ANO4: variants seen among roughly 807,000 people sequenced by gnomAD.
The protein encoded by ANO4 is anoctamin-4.
Under a neutral mutation model 141.9 loss-of-function variants are expected in ANO4, and 69 were observed. The observed-to-expected ratio is 0.49, with a 90% confidence interval of 0.40 to 0.59. The LOEUF is 0.59. ANO4 is among the 20% of genes least tolerant of loss of function. ANO4 has a pLI of 0.00. For missense variants in ANO4, 894 were observed against 1,162.2 expected, an observed-to-expected ratio of 0.77 and a Z score of 3.36; for synonymous variants, 350 against 394.3, an observed-to-expected ratio of 0.89 and a Z score of 1.33.
intron 26 of ANO4, among the ~76,000 whole-genome samples, chr12:101,123,181 A>C: frequency 6.6e-6 from 1 of 152,212 alleles, no homozygotes; most frequent in East Asian, 1.9e-4. Context: ...CCAGGGAACC[A>C]AAAGAAGAAA....
chr12:100,970,455 G>A (rs1401497308), intron 5 of ANO4, among the ~76,000 whole-genome samples: 12 of 151,950 alleles, frequency 7.9e-5, no homozygotes, highest in Admixed American at 2.0e-4. Context: ...CACCCAGAGC[G>A]CTCATCCCAT....
chr12:100,975,597 C>T (rs912095290), intron 7 of ANO4, among the ~76,000 whole-genome samples: 34 of 151,846 alleles, frequency 2.2e-4, no homozygotes, highest in Admixed American at 1.8e-3. Context: ...TCTACCACCA[C>T]GCCCAGCTAA....
At chr12:100,927,480 A>G (rs191289806) in intron 3 of ANO4, among the ~76,000 whole-genome samples, 36 of 152,238 alleles carry the variant, frequency 2.4e-4, no homozygotes, top group African/African-American at 7.7e-4. Flanking sequence ...TTTAATCACC[A>G]AAGTTTTCAA....
intron 3 of ANO4, among the ~76,000 whole-genome samples, chr12:100,784,884 G>A (rs1178865728): frequency 6.6e-6 from 1 of 151,936 alleles, no homozygotes; most frequent in East Asian, 1.9e-4. Context: ...GGATTCCTTA[G>A]AACTTGACTT....
intron 12 of ANO4, 67 bp downstream of exon 12, chr12:101,042,535 G>A: frequency 1.9e-6 from 3 of 1,580,856 alleles, no homozygotes; most frequent in East Asian, 2.2e-5. Flanking sequence ...GCACTTTGGG[G>A]GTATTCACAG....
chr12:100,899,001 G>A (rs2040468335), intron 1 of ANO4, among the ~76,000 whole-genome samples: 1 of 152,178 alleles, frequency 6.6e-6, no homozygotes, highest in African/African-American at 2.4e-5. Context: ...TGGTGGAGTG[G>A]AAGAAAATCA....
chr12:100,930,301 T>C (rs1018567423), intron 3 of ANO4, among the ~76,000 whole-genome samples: 8 of 152,106 alleles, frequency 5.3e-5, no homozygotes, highest in Non-Finnish European at 1.0e-4. Flanking sequence ...CTTTTAGAAG[T>C]TTCTTAGTGT....
At chr12:100,806,524 G>GTTTCTTTTTTTTTTT (rs2035046093) in intron 1 of ANO4, among the ~76,000 whole-genome samples, 1 of 59,838 alleles carries the variant, frequency 1.7e-5, no homozygotes, top group African/African-American at 5.6e-5. Flanking sequence ...TTTTTGTTTC[G>GTTTCTTTTTTTTTTT]TTTTTTTTTT....
chr12:100,973,194 G>A (rs1268181986), intron 6 of ANO4, among the ~76,000 whole-genome samples: 3 of 152,204 alleles, frequency 2.0e-5, no homozygotes, highest in African/African-American at 7.2e-5. Context: ...TTCACTTGTT[G>A]TAACCTGATG....
chr12:100,781,297 T>C (rs1403018541), intron 3 of ANO4, among the ~76,000 whole-genome samples: 1 of 152,218 alleles, frequency 6.6e-6, no homozygotes, highest in African/African-American at 2.4e-5. Flanking sequence ...AGTAGACATT[T>C]ACTCACTGCA....
chr12:101,097,991 T>C (rs1381610297), intron 21 of ANO4, 46 bp downstream of exon 21: 1 of 1,557,388 alleles, frequency 6.4e-7, no homozygotes, highest in Non-Finnish European at 8.8e-7. Context: ...TTGCTCATTA[T>C]TGGCTTTTCT....
intron 1 of ANO4, among the ~76,000 whole-genome samples, chr12:100,895,561 G>GTTTT (rs201323252): frequency 0.031 from 4,049 of 131,028 alleles, 200 homozygotes; most frequent in African/African-American, 0.095. Context: ...TCTGAGCTTT[G>GTTTT]TTTTTTTTTT....
intron 8 of ANO4, among the ~76,000 whole-genome samples, chr12:101,019,297 G>A (rs907817551): frequency 6.6e-6 from 1 of 152,104 alleles, no homozygotes. Context: ...GCTGGATTAT[G>A]TAAACCTGGA....
At chr12:100,860,426 C>T (rs1565944332) in intron 1 of ANO4, among the ~76,000 whole-genome samples, 1 of 152,182 alleles carries the variant, frequency 6.6e-6, no homozygotes, top group Non-Finnish European at 1.5e-5. Flanking sequence ...GAAAGCTTCA[C>T]CTTACTCCTT....
At chr12:101,046,230 G>A (rs1317178587) in intron 13 of ANO4, among the ~76,000 whole-genome samples, 1 of 152,246 alleles carries the variant, frequency 6.6e-6, no homozygotes, top group Admixed American at 6.5e-5. Flanking sequence ...TTAAGAGGAG[G>A]TGGACTATGG....
intron 1 of ANO4, among the ~76,000 whole-genome samples, chr12:100,850,676 A>G (rs978815882): frequency 1.3e-5 from 2 of 152,126 alleles, no homozygotes; most frequent in African/African-American, 4.8e-5. Context: ...TGGGATTTTT[A>G]AAATTGTTGA....
chr12:100,938,484 C>T (rs1258232957), intron 3 of ANO4, among the ~76,000 whole-genome samples: 1 of 152,178 alleles, frequency 6.6e-6, no homozygotes, highest in Non-Finnish European at 1.5e-5. Context: ...GTTATAAACC[C>T]TCAGCCATTT....
At chr12:101,127,480 C>T (rs373798053) in intron 27 of ANO4, among the ~76,000 whole-genome samples, 2 of 152,176 alleles carry the variant, frequency 1.3e-5, no homozygotes, top group Non-Finnish European at 2.9e-5. Context: ...AAAGCCTCAG[C>T]GGCCAGAGAC....
chr12:100,994,934 G>A (rs771019165), intron 8 of ANO4, among the ~76,000 whole-genome samples: 2 of 152,114 alleles, frequency 1.3e-5, no homozygotes, highest in Non-Finnish European at 2.9e-5. Flanking sequence ...TGGAGATTGC[G>A]ACTAGTGTCT....
Sources: gnomAD v4.1 joint callset for allele counts (sites outside exome capture counted in the v4.1 genomes callset) on GRCh38, gnomAD v4.1.1 for gene constraint, MANE v1.5 for transcripts, NCBI Gene and HGNC (gene_info 2026-07-23, HGNC 2026-07-21) for gene names.